The following FHIT variants were observed in gnomAD, a reference collection of about 807,000 sequenced individuals.
FHIT encodes fragile histidine triad diadenosine triphosphatase.
A neutral mutation model predicts 17.9 loss-of-function variants in FHIT; 19 were observed. The observed-to-expected ratio is 1.06, with a 90% CI of 0.74 to 1.56. FHIT has a LOEUF of 1.56. Among genes scored for constraint, FHIT ranks in the 40% most tolerant of loss-of-function variants. The pLI is 0.00. For synonymous variants in FHIT, 81 were observed against 69.7 expected, an observed-to-expected ratio of 1.16 and a Z score of -0.81; for missense variants, 248 against 189.2, an observed-to-expected ratio of 1.31 and a Z score of -1.82.
At chr3:60,729,182 A>G (rs1274679567) in intron 4 of FHIT, among the ~76,000 whole-genome samples, 5 of 152,234 alleles carry the variant, frequency 3.3e-5, no homozygotes, top group Non-Finnish European at 7.3e-5. Context: ...AATGAAGTTT[A>G]ACAGGCTTTA....
intron 5 of FHIT, among the ~76,000 whole-genome samples, chr3:60,038,274 T>C (rs1457180527): frequency 6.6e-6 from 1 of 152,198 alleles, no homozygotes; most frequent in African/African-American, 2.4e-5. Flanking sequence ...TCTTACTTGA[T>C]TCAACAGACT....
At chr3:60,308,875 A>C (rs1217968595) in intron 5 of FHIT, among the ~76,000 whole-genome samples, 1 of 152,186 alleles carries the variant, frequency 6.6e-6, no homozygotes, top group Non-Finnish European at 1.5e-5. Context: ...GAGAGTATTT[A>C]ATCACTAACT....
At chr3:60,646,001 C>T (rs970838100) in intron 4 of FHIT, among the ~76,000 whole-genome samples, 1 of 152,158 alleles carries the variant, frequency 6.6e-6, no homozygotes, top group African/African-American at 2.4e-5. Context: ...AAATTACTCT[C>T]GAATAACTAG....
intron 4 of FHIT, among the ~76,000 whole-genome samples, chr3:60,537,259 C>T (rs1003403122): frequency 6.6e-6 from 1 of 152,130 alleles, no homozygotes; most frequent in Non-Finnish European, 1.5e-5. Flanking sequence ...TCCCTCTGCA[C>T]TTCACGGTGC....
intron 5 of FHIT, among the ~76,000 whole-genome samples, chr3:60,505,793 T>C (rs553237891): frequency 1.3e-4 from 20 of 152,318 alleles, no homozygotes; most frequent in African/African-American, 4.6e-4. Flanking sequence ...TGGCATCCAT[T>C]GGTATTGCAA....
At chr3:60,125,458 C>A (rs1358342862) in intron 5 of FHIT, among the ~76,000 whole-genome samples, 2 of 151,844 alleles carry the variant, frequency 1.3e-5, no homozygotes, top group African/African-American at 2.4e-5. Context: ...ATGGTGAAAC[C>A]CCATCTCTAC....
chr3:60,132,563 G>C (rs1223186116), intron 5 of FHIT, among the ~76,000 whole-genome samples: 1 of 152,152 alleles, frequency 6.6e-6, no homozygotes, highest in East Asian at 1.9e-4. Flanking sequence ...ATCATCCCTA[G>C]TTGGAAGATA....
intron 5 of FHIT, among the ~76,000 whole-genome samples, chr3:60,442,037 T>C (rs938142820): frequency 5.3e-5 from 8 of 151,098 alleles, no homozygotes; most frequent in African/African-American, 1.9e-4. Context: ...TTTTTTAACT[T>C]ATTGTAGAAA....
chr3:60,287,366 A>G (rs1202372336), intron 5 of FHIT, among the ~76,000 whole-genome samples: 1 of 151,918 alleles, frequency 6.6e-6, no homozygotes, highest in African/African-American at 2.4e-5. Flanking sequence ...ACGGGCTTTC[A>G]CCATGTTAGC....
At chr3:61,080,624 C>G (rs1386778790) in intron 2 of FHIT, among the ~76,000 whole-genome samples, 2 of 151,962 alleles carry the variant, frequency 1.3e-5, no homozygotes, top group Non-Finnish European at 2.9e-5. Flanking sequence ...AAATTTATGT[C>G]CAAGACTAAC....
intron 2 of FHIT, among the ~76,000 whole-genome samples, chr3:61,187,212 ATAAGGAAC>A (rs1304544304): frequency 6.6e-6 from 1 of 152,182 alleles, no homozygotes; most frequent in East Asian, 1.9e-4. Context: ...TCCTTTCTTG[ATAAGGAAC>A]TAAGGAACTA....
At chr3:60,086,627 G>T (rs1703504831) in intron 5 of FHIT, among the ~76,000 whole-genome samples, 2 of 152,198 alleles carry the variant, frequency 1.3e-5, no homozygotes, top group South Asian at 4.1e-4. Context: ...AAAAGAAAGA[G>T]AAAACAGGCC....
rs371656788 is a variant in FHIT, at chr3:60,620,603, T to A, written c.-17-83624A>T. Among the ~76,000 whole-genome samples the A allele has an allele frequency of 1.5e-4, 23 of 149,666 alleles. No homozygotes were observed. In the East Asian group the frequency reaches 4.1e-3, roughly 27 times the overall value. ...TACATTGGAAAAAAAAAAAAAACTA[T>A]GAAGAGAATACAAAGATCAATGGTT... On this transcript the variant is annotated intron_variant, in intron 4 of 9. Transcript: ENST00000492590.
At chr3:60,389,627 C>T (rs1701145641) in intron 5 of FHIT, among the ~76,000 whole-genome samples, 1 of 152,130 alleles carries the variant, frequency 6.6e-6, no homozygotes, top group Admixed American at 6.5e-5. Context: ...ATCACTTCAC[C>T]TGTAAGAGCA....
chr3:60,586,161 G>C (rs782072093), intron 4 of FHIT, among the ~76,000 whole-genome samples: 1 of 151,802 alleles, frequency 6.6e-6, no homozygotes, highest in African/African-American at 2.4e-5. Flanking sequence ...GAGCACACTG[G>C]CTGCAGTAAA....
intron 3 of FHIT, among the ~76,000 whole-genome samples, chr3:60,905,408 T>G (rs1043508260): frequency 7.2e-5 from 11 of 152,216 alleles, no homozygotes; most frequent in Non-Finnish European, 1.3e-4. Flanking sequence ...ACAAACTATG[T>G]GTCTATTTCC....
intron 2 of FHIT, among the ~76,000 whole-genome samples, chr3:61,103,543 G>T (rs531918344): frequency 6.6e-6 from 1 of 152,296 alleles, no homozygotes; most frequent in East Asian, 1.9e-4. Context: ...GATTTGGAGT[G>T]GAGAGTTCTG....
chr3:60,874,731 C>T (rs1704567785), intron 3 of FHIT, among the ~76,000 whole-genome samples: 1 of 152,210 alleles, frequency 6.6e-6, no homozygotes, highest in East Asian at 1.9e-4. Flanking sequence ...TCAACCTATC[C>T]TCTTCTAAGG....
At chr3:61,156,767 C>T (rs1211489594) in intron 2 of FHIT, among the ~76,000 whole-genome samples, 1 of 152,230 alleles carries the variant, frequency 6.6e-6, no homozygotes, top group Non-Finnish European at 1.5e-5. Context: ...TTAGCAACAT[C>T]ATGCCAATGC....
Sources: allele counts gnomAD v4.1 joint callset (sites outside exome capture counted in the v4.1 genomes callset), GRCh38; gene constraint gnomAD v4.1.1; transcripts MANE v1.5; gene names NCBI Gene and HGNC (gene_info 2026-07-23, HGNC 2026-07-21).